B3GALT1: variants seen among roughly 807,000 people sequenced by gnomAD.
The protein encoded by B3GALT1 is beta-1,3-galactosyltransferase 1.
A neutral mutation model predicts 23.2 loss-of-function variants in B3GALT1; 10 were observed. The observed-to-expected ratio is 0.43, with a 90% CI of 0.27 to 0.73. B3GALT1 has a LOEUF of 0.73. Among genes scored for constraint, B3GALT1 ranks in the 30% least tolerant of loss-of-function variants. The pLI is 0.21. For missense variants in B3GALT1, 299 were observed against 405.4 expected, an observed-to-expected ratio of 0.74 and a Z score of 2.25; for synonymous variants, 156 against 141.5, an observed-to-expected ratio of 1.10 and a Z score of -0.73.
Position 167,531,161 on chromosome 2 carries a change from A to G in B3GALT1, c.-410+40884A>G, listed in dbSNP as rs192716819. ...TGGGAACTTTAAAATATTAATCCCA[A>G]GGTCTTGAATGTCAAAGTAATAATT... On this transcript the variant is annotated intron_variant, in intron 2 of 4. Transcript: ENST00000392690. 3.0e-3 allele frequency among the ~76,000 whole-genome samples: 450 copies of G among 152,306 alleles called. 4 individuals carry two copies. Among genetic ancestry groups the G allele is most frequent in the African/African-American group, 0.01 (429 of 41,572 alleles).
intron 3 of B3GALT1, among the ~76,000 whole-genome samples, chr2:167,725,347 T>C (rs1396970647): frequency 2.0e-5 from 3 of 152,182 alleles, no homozygotes; most frequent in Admixed American, 6.5e-5. Flanking sequence ...TACCTTGATA[T>C]ATATTTTGTG....
At chr2:167,556,438 G>A (rs1234651022) in intron 2 of B3GALT1, among the ~76,000 whole-genome samples, 1 of 152,076 alleles carries the variant, frequency 6.6e-6, no homozygotes, top group Admixed American at 6.6e-5. Flanking sequence ...TTATTGGCAA[G>A]CATGCAAGCT....
Position 167,668,769 on chromosome 2 carries a change from C to T in B3GALT1, c.-352+21803C>T, listed in dbSNP as rs546240435. 1.3e-3 allele frequency among the ~76,000 whole-genome samples: 202 copies of T among 152,282 alleles called. 3 individuals are homozygous for T. The highest frequency in any genetic ancestry group is 4.3e-3 in the African/African-American group (177 of 41,572). ...GGAAAGGGAACTCCCTGACCCCTTG[C>T]GCTTCCCGAGTGAGGCAATGCCTCG... On this transcript the variant is annotated intron_variant, in intron 3 of 4. Transcript: ENST00000392690.
chr2:167,453,619 T>C (rs1699122571), intron 1 of B3GALT1, among the ~76,000 whole-genome samples: 1 of 152,238 alleles, frequency 6.6e-6, no homozygotes, highest in Non-Finnish European at 1.5e-5. Context: ...AGGGAAATTA[T>C]GTTTACAAAG....
At chr2:167,473,438 A>T (rs1161637524) in intron 1 of B3GALT1, among the ~76,000 whole-genome samples, 1 of 152,194 alleles carries the variant, frequency 6.6e-6, no homozygotes, top group African/African-American at 2.4e-5. Flanking sequence ...TCATAAATAC[A>T]ATAAAGTAAA....
At chr2:167,803,957 T>C (rs917448200) in intron 3 of B3GALT1, among the ~76,000 whole-genome samples, 2 of 152,192 alleles carry the variant, frequency 1.3e-5, no homozygotes, top group African/African-American at 4.8e-5. Flanking sequence ...GGAATATGTA[T>C]TGCACGAAGT....
intron 1 of B3GALT1, among the ~76,000 whole-genome samples, chr2:167,457,766 T>C (rs763138750): frequency 3.3e-5 from 5 of 152,082 alleles, no homozygotes; most frequent in Non-Finnish European, 5.9e-5. Flanking sequence ...CTAGCAGTTC[T>C]CAAAGCATGG....
chr2:167,545,023 C>CT (rs869066627), intron 2 of B3GALT1, among the ~76,000 whole-genome samples: 1,970 of 54,138 alleles, frequency 0.036, 485 homozygotes, highest in Non-Finnish European at 0.044. Flanking sequence ...GCTTGGGTGT[C>CT]TTTTTTTTTT....
At chr2:167,842,688 A>C (rs1297721264) in intron 4 of B3GALT1, among the ~76,000 whole-genome samples, 1 of 152,124 alleles carries the variant, frequency 6.6e-6, no homozygotes, top group Admixed American at 6.6e-5. Context: ...AGCCTGGGCA[A>C]CATGACGAAA....
chr2:167,434,333 A>G (rs966752762), intron 1 of B3GALT1, among the ~76,000 whole-genome samples: 9 of 152,110 alleles, frequency 5.9e-5, no homozygotes, highest in African/African-American at 1.9e-4. Context: ...ATATATACAA[A>G]AGTAGGAAGA....
rs185300967 is a variant in B3GALT1, at chr2:167,727,568, C to T, written c.-352+80602C>T. ...ACCTCAAAATCTCAACCCATTACTG[C>T]ATCAATTTAAAATTCATCCAAATCT... On this transcript the variant is annotated intron_variant, in intron 3 of 4. Coordinates refer to ENST00000392690, the MANE Select transcript of B3GALT1 (RefSeq NM_020981.4). 5.3e-3 allele frequency among the ~76,000 whole-genome samples: 806 copies of T among 152,286 alleles called. 1 individual carries two copies. The highest frequency in any genetic ancestry group is 6.6e-3 in the Non-Finnish European group (447 of 68,030).
chr2:167,735,262 T>C (rs1687474360), intron 3 of B3GALT1, among the ~76,000 whole-genome samples: 1 of 152,208 alleles, frequency 6.6e-6, no homozygotes. Context: ...TTATATCAAA[T>C]TCTGCTTTTT....
At chr2:167,705,896 CTATTGGACACGA>C in intron 3 of B3GALT1, among the ~76,000 whole-genome samples, 1 of 152,300 alleles carries the variant, frequency 6.6e-6, no homozygotes, top group East Asian at 1.9e-4. Flanking sequence ...CCACATGTGG[CTATTGGACACGA>C]TATTGGACAG....
chr2:167,443,706 C>T (rs964179445), intron 1 of B3GALT1, among the ~76,000 whole-genome samples: 2 of 152,122 alleles, frequency 1.3e-5, no homozygotes, highest in Non-Finnish European at 2.9e-5. Context: ...GTGATTTTTG[C>T]ACATTGATTT....
intron 3 of B3GALT1, among the ~76,000 whole-genome samples, chr2:167,690,566 T>G (rs1330023167): frequency 6.6e-6 from 1 of 152,122 alleles, no homozygotes; most frequent in Non-Finnish European, 1.5e-5. Context: ...AACACAGTTA[T>G]AAACCAATTC....
In B3GALT1 at chr2:167,379,474, G is replaced by T. The variant is rs183796040; in HGVS notation, c.-511+86140G>T. ...TCTAGGGGGTGTGACTGTAGAGATTGCTGTGTAGGGTTTTGACTTTGCTTC... is the reference window on the plus strand; with the variant it reads ...TCTAGGGGGTGTGACTGTAGAGATTTCTGTGTAGGGTTTTGACTTTGCTTC... On this transcript the variant is annotated intron_variant, in intron 1 of 4. Transcript: ENST00000392690. Among the ~76,000 whole-genome samples, 25 of 152,134 alleles carry T rather than the reference G, an allele frequency of 1.6e-4. 1 individual carries two copies. In the East Asian group the frequency reaches 4.8e-3, roughly 29 times the overall value.
intron 3 of B3GALT1, among the ~76,000 whole-genome samples, chr2:167,802,852 G>A (rs4667977): frequency 0.26 from 39,389 of 151,570 alleles, 5,749 homozygotes; most frequent in African/African-American, 0.38. Flanking sequence ...TTTTTAATCG[G>A]TGGATTGAAA....
chr2:167,599,859 G>A (rs530944203), intron 2 of B3GALT1, among the ~76,000 whole-genome samples: 2 of 152,112 alleles, frequency 1.3e-5, no homozygotes, highest in Non-Finnish European at 2.9e-5. Context: ...GGGAAAGTTA[G>A]TTTTATCCAG....
intron 3 of B3GALT1, among the ~76,000 whole-genome samples, chr2:167,657,832 T>A (rs1337806519): frequency 6.6e-6 from 1 of 152,130 alleles, no homozygotes; most frequent in African/African-American, 2.4e-5. Flanking sequence ...TCATTAAACA[T>A]TATTTTATTA....
Sources: allele counts gnomAD v4.1 joint callset (sites outside exome capture counted in the v4.1 genomes callset), GRCh38; gene constraint gnomAD v4.1.1; transcripts MANE v1.5; gene names NCBI Gene and HGNC (gene_info 2026-07-23, HGNC 2026-07-21).